CALN1: variants seen among roughly 807,000 people sequenced by gnomAD.
CALN1 encodes calcium-binding protein 8.
A neutral mutation model predicts 30.6 loss-of-function variants in CALN1; 17 were observed. The observed-to-expected ratio is 0.56, with a 90% CI of 0.38 to 0.83. The LOEUF (loss-of-function observed/expected upper bound fraction) is 0.83. Among genes scored for constraint, CALN1 ranks in the 40% least tolerant of loss-of-function variants. The probability of loss-of-function intolerance (pLI) is 0.00; values close to 1 mark genes in which losing one functional copy is unlikely to be tolerated. For missense variants in CALN1, 291 were observed against 354.9 expected, an observed-to-expected ratio of 0.82 and a Z score of 1.45; for synonymous variants, 156 against 131.4, an observed-to-expected ratio of 1.19 and a Z score of -1.28.
intron 5 of CALN1, among the ~76,000 whole-genome samples, chr7:71,861,796 A>AT (rs1791298711): frequency 6.6e-6 from 1 of 150,682 alleles, no homozygotes; most frequent in African/African-American, 2.5e-5. Context: ...AAAAAAAAAA[A>AT]AAAAGAGAGA....
chr7:72,035,866 TAG>T (rs562026729), intron 4 of CALN1, among the ~76,000 whole-genome samples: 10 of 152,336 alleles, frequency 6.6e-5, no homozygotes, highest in African/African-American at 2.2e-4. Context: ...AAACAAAATG[TAG>T]AGTTACAAAC....
At chr7:72,357,168 A>G (rs921827087) in intron 2 of CALN1, among the ~76,000 whole-genome samples, 1 of 151,994 alleles carries the variant, frequency 6.6e-6, no homozygotes, top group Non-Finnish European at 1.5e-5. Flanking sequence ...GCCAGATAGA[A>G]TACAACTTGA....
rs1020189543 is a variant in CALN1 at position 71,935,677 on chromosome 7, G to A, written c.501+87980C>T. Reference sequence around the variant, plus strand: ...GGAGAAGTTGCGGTGAGCGGAGATCGCACCCTTGCACTCCGCCTGGGCAAC... The same window carrying A: ...GGAGAAGTTGCGGTGAGCGGAGATCACACCCTTGCACTCCGCCTGGGCAAC... On this transcript the variant is annotated intron_variant, in intron 5 of 6. Coordinates refer to ENST00000395275, the MANE Select transcript of CALN1 (RefSeq NM_031468.4). 3.3e-5 allele frequency among the ~76,000 whole-genome samples: 5 copies of A among 152,262 alleles called. No homozygotes were observed. The East Asian group carries it at 5.8e-4, about 18-fold the overall frequency.
At chr7:72,383,294 G>A (rs553889742) in intron 2 of CALN1, among the ~76,000 whole-genome samples, 2 of 152,302 alleles carry the variant, frequency 1.3e-5, no homozygotes, top group African/African-American at 4.8e-5. Flanking sequence ...TGAGGCTGCG[G>A]GGTGAAAGGA....
At chr7:72,407,392 A>G (rs576638654) in intron 1 of CALN1, among the ~76,000 whole-genome samples, 138 of 152,158 alleles carry the variant, frequency 9.1e-4, no homozygotes, top group Non-Finnish European at 1.5e-3. Context: ...TGTAATCCCC[A>G]ATGTTGGAGG....
Position 71,945,778 on chromosome 7 carries a change from T to C in CALN1, c.501+77879A>G, listed in dbSNP as rs191188910. On this transcript the variant is annotated intron_variant, in intron 5 of 6. Transcript: ENST00000395275. Reference sequence around the variant, plus strand: ...ACATGATGTGTAATTACACGTTGTGTAATTATTTCATTATATATTACAATG... The same window carrying C: ...ACATGATGTGTAATTACACGTTGTGCAATTATTTCATTATATATTACAATG... Among the ~76,000 whole-genome samples, 16 of 152,326 alleles carry C rather than the reference T, an allele frequency of 1.1e-4. No homozygotes were observed. The East Asian group carries it at 3.1e-3, about 29-fold the overall frequency.
intron 1 of CALN1, among the ~76,000 whole-genome samples, chr7:72,409,237 A>ACC (rs1174210178): frequency 2.0e-5 from 3 of 150,934 alleles, no homozygotes; most frequent in African/African-American, 4.9e-5. Context: ...CTCATGATCT[A>ACC]CCCGCCTCGG....
intron 6 of CALN1, among the ~76,000 whole-genome samples, chr7:71,792,312 C>T (rs188809104): frequency 1.3e-5 from 2 of 152,258 alleles, no homozygotes; most frequent in African/African-American, 4.8e-5. Context: ...CCAGCCGCAA[C>T]CCCCAGCCCC....
At chr7:72,341,493 A>G (rs1393281318) in intron 2 of CALN1, among the ~76,000 whole-genome samples, 6 of 152,210 alleles carry the variant, frequency 3.9e-5, no homozygotes, top group African/African-American at 1.4e-4. Context: ...ACTGCACTCC[A>G]GTCTGGGCAA....
At position 72,211,536 on chromosome 7, in the gene CALN1, CA is replaced by C. The variant is rs146732512; in HGVS notation, c.244+67149del. Among the ~76,000 whole-genome samples, 1,099 of 148,612 alleles carry C rather than the reference CA, an allele frequency of 7.4e-3. 7 individuals are homozygous for C. The highest frequency in any genetic ancestry group is 0.024 in the African/African-American group (959 of 40,694). On this transcript the variant is annotated intron_variant, in intron 3 of 6. Transcript: ENST00000395275. The stretch of plus-strand genomic sequence containing the variant: ...TATCATAGTTCAGGGTACCCATCTG[CA>C]AAATGATGATGATCCAAGAAACGAC...
chr7:72,402,660 G>A (rs1055163702), intron 2 of CALN1, among the ~76,000 whole-genome samples: 7 of 152,292 alleles, frequency 4.6e-5, no homozygotes, highest in South Asian at 2.1e-4. Context: ...AAAACCCAGG[G>A]AGGCCTGTGG....
intron 4 of CALN1, among the ~76,000 whole-genome samples, chr7:72,060,021 G>A (rs559832661): frequency 3.3e-5 from 5 of 152,200 alleles, no homozygotes; most frequent in Admixed American, 2.0e-4. Context: ...GTTTTTCCTC[G>A]AGTACCCCCA....
chr7:72,188,151 T>C lies in CALN1; in HGVS notation c.245-81857A>G, dbSNP rs533421692. Among the ~76,000 whole-genome samples the C allele has an allele frequency of 5.9e-5, 9 of 152,234 alleles. No homozygotes were observed. In the South Asian group the frequency reaches 1.9e-3, roughly 32 times the overall value. ...CTGCTCGGAGGAAAAGAAATCATCA[T>C]GCACAAAGGATACTGGCACACGCAT... On this transcript the variant is annotated intron_variant, in intron 3 of 6. Coordinates refer to ENST00000395275, the MANE Select transcript of CALN1 (RefSeq NM_031468.4).
chr7:72,214,767 C>A (rs1357254530), intron 3 of CALN1, among the ~76,000 whole-genome samples: 2 of 152,006 alleles, frequency 1.3e-5, no homozygotes, highest in Non-Finnish European at 2.9e-5. Context: ...CCCCGCCGCT[C>A]GCATTCCCGC....
chr7:72,338,490 T>A (rs1045896610), intron 2 of CALN1, among the ~76,000 whole-genome samples: 62 of 135,982 alleles, frequency 4.6e-4, no homozygotes, highest in African/African-American at 1.5e-3. Context: ...TGTGTGTGTG[T>A]GTGTGTGTGT....
intron 1 of CALN1, among the ~76,000 whole-genome samples, chr7:72,404,766 T>C (rs904314232): frequency 3.3e-5 from 5 of 152,174 alleles, no homozygotes; most frequent in African/African-American, 9.6e-5. Flanking sequence ...AAAATGACTG[T>C]AGAAAGCAGG....
intron 3 of CALN1, among the ~76,000 whole-genome samples, chr7:72,268,099 T>C (rs775436950): frequency 6.6e-6 from 1 of 152,210 alleles, no homozygotes; most frequent in African/African-American, 2.4e-5. Flanking sequence ...TAAAACACTT[T>C]GAACAGTGCC....
intron 3 of CALN1, among the ~76,000 whole-genome samples, chr7:72,264,320 A>T (rs893693422): frequency 2.0e-5 from 3 of 152,088 alleles, no homozygotes; most frequent in Non-Finnish European, 4.4e-5. Context: ...TCATAAGAAC[A>T]CTCACTTTAT....
chr7:72,026,850 G>T (rs1011681848), intron 4 of CALN1, among the ~76,000 whole-genome samples: 1 of 152,162 alleles, frequency 6.6e-6, no homozygotes, highest in Non-Finnish European at 1.5e-5. Context: ...AAGGAGAATG[G>T]CCCAGTCTAC....
Sources: allele counts gnomAD v4.1 joint callset (sites outside exome capture counted in the v4.1 genomes callset), GRCh38; gene constraint gnomAD v4.1.1; transcripts MANE v1.5; gene names NCBI Gene and HGNC (gene_info 2026-07-23, HGNC 2026-07-21).